Variants in ERC1 observed in about 807,000 individuals in gnomAD.
ERC1 encodes the protein ELKS/RAB6-interacting/CAST family member 1.
A neutral mutation model predicts 132.0 loss-of-function variants in ERC1; 56 were observed. The ratio of observed to expected loss-of-function variants is 0.42; its 90% confidence interval spans 0.34 to 0.53. The LOEUF is 0.53. Among genes scored for constraint, ERC1 ranks in the 20% least tolerant of loss-of-function variants. ERC1 has a pLI of 0.03. For missense variants in ERC1, 1,202 were observed against 1,349.9 expected (o/e 0.89, Z 1.72); for synonymous variants, 478 against 476.1 (o/e 1.00, Z -0.05).
intron 15 of ERC1, among the ~76,000 whole-genome samples, chr12:1,290,537 A>G (rs183314548): frequency 1.6e-4 from 25 of 152,310 alleles, no homozygotes; most frequent in Non-Finnish European, 3.1e-4. Flanking sequence ...TGCTTCCCCC[A>G]CATTTTGTAG....
Position 1,307,092 on chromosome 12 carries a change from C to A in ERC1, c.2780+17080C>A, listed in dbSNP as rs189295047. On this transcript the variant is annotated intron_variant, in intron 15 of 18. Coordinates refer to ENST00000360905, the MANE Select transcript of ERC1 (RefSeq NM_178040.4). Reference sequence around the variant, plus strand: ...CATCTCTTTGATCGCTAAGAAGATACCTGTTTTACTAAAGCTCAGCTGTTG... The same window carrying A: ...CATCTCTTTGATCGCTAAGAAGATAACTGTTTTACTAAAGCTCAGCTGTTG... Among the ~76,000 whole-genome samples the A allele has an allele frequency of 1.8e-3, 275 of 152,236 alleles. 1 individual carries two copies. Among genetic ancestry groups the A allele is most frequent in the African/African-American group, 4.6e-3 (192 of 41,530 alleles).
intron 17 of ERC1, among the ~76,000 whole-genome samples, chr12:1,439,118 C>A (rs1001621931): frequency 6.6e-6 from 1 of 152,078 alleles, no homozygotes; most frequent in African/African-American, 2.4e-5. Context: ...AACTATCTGG[C>A]ACAGAGGCAG....
intron 8 of ERC1, among the ~76,000 whole-genome samples, chr12:1,161,083 CCCAGTCTTT>C (rs1176093828): frequency 1.3e-5 from 2 of 152,190 alleles, no homozygotes; most frequent in Admixed American, 6.5e-5. Context: ...TCCCAGTCTT[CCCAGTCTTT>C]CTAAACCGTC....
intron 16 of ERC1, among the ~76,000 whole-genome samples, chr12:1,381,868 T>G (rs1343987942): frequency 6.6e-6 from 1 of 152,122 alleles, no homozygotes; most frequent in African/African-American, 2.4e-5. Flanking sequence ...TTCATTCACG[T>G]ATTCATTTTC....
intron 18 of ERC1, among the ~76,000 whole-genome samples, chr12:1,475,109 T>C (rs1294962387): frequency 5.9e-5 from 9 of 152,230 alleles, no homozygotes; most frequent in Admixed American, 5.2e-4. Flanking sequence ...CTTCGTATCC[T>C]ATACTTGTCC....
At chr12:1,004,806 C>CTGTG (rs60674277) in intron 1 of ERC1, among the ~76,000 whole-genome samples, 8 of 146,954 alleles carry the variant, frequency 5.4e-5, no homozygotes, top group Admixed American at 3.4e-4. Flanking sequence ...CTGCCTTTTT[C>CTGTG]TGTGTGTGTG....
chr12:1,282,016 G>A (rs1026697142), intron 14 of ERC1, among the ~76,000 whole-genome samples: 1 of 152,010 alleles, frequency 6.6e-6, no homozygotes, highest in African/African-American at 2.4e-5. Flanking sequence ...ATCTTCCTAA[G>A]CCTTCTGAGT....
At chr12:1,011,029 C>T (rs373417120) in intron 1 of ERC1, among the ~76,000 whole-genome samples, 4 of 152,004 alleles carry the variant, frequency 2.6e-5, no homozygotes, top group East Asian at 1.9e-4. Flanking sequence ...ATTTTACATC[C>T]GTATTATTGG....
At chr12:1,332,248 A>G (rs1357831453) in intron 15 of ERC1, among the ~76,000 whole-genome samples, 1 of 152,136 alleles carries the variant, frequency 6.6e-6, no homozygotes, top group Admixed American at 6.6e-5. Flanking sequence ...CTTTCTTACA[A>G]TTGGAATGTT....
rs1450085982 is a variant in ERC1 at position 1,313,991 on chromosome 12, A to G, written c.2780+23979A>G. On this transcript the variant is annotated intron_variant, in intron 15 of 18. Transcript: ENST00000360905. Reference sequence around the variant, plus strand: ...AGAGTGAGACTCTGTCTAAAAACATAATAATAATAAATTAAATTAAATTAA... The same window carrying G: ...AGAGTGAGACTCTGTCTAAAAACATGATAATAATAAATTAAATTAAATTAA... Among the ~76,000 whole-genome samples the G allele has an allele frequency of 4.0e-5, 6 of 151,722 alleles. No individual in the cohort carries two copies. In the East Asian group the frequency reaches 1.2e-3, roughly 29 times the overall value.
In ERC1 at chr12:1,461,134, T is replaced by A. The variant is rs75822035; in HGVS notation, c.3213+16384T>A. 2.7e-4 allele frequency among the ~76,000 whole-genome samples: 40 copies of A among 149,366 alleles called. No individual in the cohort carries two copies. The East Asian group carries it at 7.7e-3, about 29-fold the overall frequency. ...TGTTGTAGAATTTCCTTCTGGAGAG[T>A]TTTAAAAACTAAGGTTGACTCCCCA... On this transcript the variant is annotated intron_variant, in intron 18 of 18. Coordinates refer to ENST00000360905, the MANE Select transcript of ERC1 (RefSeq NM_178040.4).
At position 1,444,796 on chromosome 12, in the gene ERC1, T is replaced by G. The variant is rs373393793; in HGVS notation, c.3213+46T>G. 4.4e-6 allele frequency: 7 copies of G among 1,586,476 alleles called. No homozygotes were observed. In the African/African-American group the frequency reaches 8.1e-5, roughly 18 times the overall value. On this transcript the variant is annotated intron_variant, in intron 18 of 18. Coordinates refer to ENST00000360905, the MANE Select transcript of ERC1 (RefSeq NM_178040.4). ...TTGAAAAGAGCCTGTGAAAATCCAG[T>G]TGCTGTGTAGGTTGATGCAGTGGGG...
At chr12:1,375,649 G>C (rs1186560794) in intron 16 of ERC1, among the ~76,000 whole-genome samples, 1 of 151,500 alleles carries the variant, frequency 6.6e-6, no homozygotes, top group African/African-American at 2.4e-5. Flanking sequence ...GTCACTGATA[G>C]CCCTGTTCGT....
At chr12:1,161,218 C>T (rs542987616) in intron 8 of ERC1, among the ~76,000 whole-genome samples, 8 of 151,954 alleles carry the variant, frequency 5.3e-5, no homozygotes, top group Admixed American at 2.6e-4. Context: ...GAATGGTATA[C>T]GGTGGGGCAA....
At chr12:1,011,894 C>T (rs1964735658) in intron 1 of ERC1, among the ~76,000 whole-genome samples, 1 of 151,282 alleles carries the variant, frequency 6.6e-6, no homozygotes, top group African/African-American at 2.4e-5. Context: ...TTGCAATGAG[C>T]GGAGATCACC....
intron 8 of ERC1, among the ~76,000 whole-genome samples, chr12:1,171,355 T>C (rs1953043789): frequency 7.2e-6 from 1 of 139,408 alleles, no homozygotes; most frequent in Non-Finnish European, 1.5e-5. Context: ...GGCAAAACAT[T>C]CTTTTTTTTT....
chr12:1,352,065 A>T (rs1360135450), intron 15 of ERC1, among the ~76,000 whole-genome samples: 1 of 152,110 alleles, frequency 6.6e-6, no homozygotes, highest in Non-Finnish European at 1.5e-5. Flanking sequence ...ATTCTGAAAT[A>T]CCCAATTCTC....
intron 8 of ERC1, among the ~76,000 whole-genome samples, chr12:1,172,306 CAAAAA>C (rs1282677759): frequency 2.0e-5 from 3 of 151,980 alleles, no homozygotes; most frequent in Non-Finnish European, 4.4e-5. Context: ...TTCATCTCTA[CAAAAA>C]TTAAAAATCG....
chr12:1,455,051 C>T (rs1478948839), intron 18 of ERC1, among the ~76,000 whole-genome samples: 1 of 152,124 alleles, frequency 6.6e-6, no homozygotes, highest in Non-Finnish European at 1.5e-5. Flanking sequence ...AGTGTCTTGA[C>T]CCAGCACTAA....
Sources: allele counts gnomAD v4.1 joint callset (sites outside exome capture counted in the v4.1 genomes callset), GRCh38; gene constraint gnomAD v4.1.1; transcripts MANE v1.5; gene names NCBI Gene and HGNC (gene_info 2026-07-23, HGNC 2026-07-21).